UHRF2: variants seen among roughly 807,000 people sequenced by gnomAD.
UHRF2 encodes ubiquitin like with PHD and ring finger domains 2.
UHRF2 carries 23 observed loss-of-function variants against 96.8 expected under a neutral mutation model. That is an observed-to-expected ratio of 0.24 (90% CI 0.17 to 0.34). The LOEUF is 0.34. Ranked by LOEUF, UHRF2 falls within the 10% of genes least tolerant of loss-of-function variation. The pLI, the probability that UHRF2 is intolerant of heterozygous loss-of-function variation, is 1.00. For missense variants in UHRF2, 685 were observed against 981.5 expected (o/e 0.70, Z 4.04); for synonymous variants, 385 against 332.6 (o/e 1.16, Z -1.72).
At chr9:6,447,784 C>G (rs1469275563) in intron 3 of UHRF2, among the ~76,000 whole-genome samples, 2 of 152,020 alleles carry the variant, frequency 1.3e-5, no homozygotes, top group African/African-American at 4.8e-5. Flanking sequence ...TTAACATTGC[C>G]TAGTTTAGCA....
intron 3 of UHRF2, among the ~76,000 whole-genome samples, chr9:6,437,630 A>G (rs746088219): frequency 1.3e-5 from 2 of 151,714 alleles, no homozygotes; most frequent in East Asian, 1.9e-4. Context: ...TTATTTATTT[A>G]TTTTTGAGAC....
chr9:6,472,104 C>G lies in UHRF2; in HGVS notation c.864-3287C>G, dbSNP rs142627098. 5.8e-3 allele frequency among the ~76,000 whole-genome samples: 877 copies of G among 152,288 alleles called. 9 individuals carry two copies. The highest frequency in any genetic ancestry group is 0.019 in the African/African-American group (784 of 41,560). On this transcript the variant is annotated intron_variant, in intron 4 of 15. Transcript: ENST00000276893. Reference sequence around the variant, plus strand: ...ATCAAAACACAATGTTTTCATCACTCCCAAAAGTTCCCTTGGGTCCCATTA... The same window carrying G: ...ATCAAAACACAATGTTTTCATCACTGCCAAAAGTTCCCTTGGGTCCCATTA...
At chr9:6,422,263 G>A (rs893973799) in intron 2 of UHRF2, among the ~76,000 whole-genome samples, 11 of 151,660 alleles carry the variant, frequency 7.3e-5, no homozygotes, top group Non-Finnish European at 1.2e-4. Context: ...TATATTTCCA[G>A]TAGAGACGGG....
chr9:6,429,627 G>A (rs189736839), intron 2 of UHRF2, among the ~76,000 whole-genome samples: 4 of 152,270 alleles, frequency 2.6e-5, no homozygotes, highest in Admixed American at 6.5e-5. Flanking sequence ...CACTGCACCC[G>A]GGCTATACTC....
intron 2 of UHRF2, chr9:6,422,671 G>A (rs751471968): frequency 4.8e-5 from 31 of 642,728 alleles, no homozygotes; most frequent in Non-Finnish European, 8.1e-5. Flanking sequence ...GTGCAGTGAC[G>A]TGAACACGGC....
intron 5 of UHRF2, among the ~76,000 whole-genome samples, chr9:6,477,053 T>C (rs1823616285): frequency 6.6e-6 from 1 of 152,016 alleles, no homozygotes; most frequent in Non-Finnish European, 1.5e-5. Flanking sequence ...GCCAACCTGG[T>C]GAAACCCTGT....
At chr9:6,413,883 G>A in intron 1 of UHRF2, 2 of 415,846 alleles carry the variant, frequency 4.8e-6, no homozygotes, top group Non-Finnish European at 8.2e-6. Flanking sequence ...AGGGCGTCCG[G>A]AGCGCAAATA....
At chr9:6,415,352 C>T (rs1819537594) in intron 1 of UHRF2, 1 of 152,142 alleles carries the variant, frequency 6.6e-6, no homozygotes, top group Non-Finnish European at 1.5e-5. Flanking sequence ...AGTGATAAAC[C>T]AGTAGGGTAG....
Position 6,506,335 on chromosome 9 carries a change from A to G in UHRF2, c.*156A>G. ...TAGCCATCATCTTGTGTGTGTAGTA[A>G]GAGGCCCATTTCTCAACTGTCTTTT... On this transcript the variant is annotated 3_prime_UTR_variant, in exon 16 of 16. Transcript: ENST00000276893. 3.3e-6 allele frequency: 3 copies of G among 918,228 alleles called. No individual in the cohort carries two copies. Among genetic ancestry groups the G allele is most frequent in the South Asian group, 2.0e-5 (1 of 49,738 alleles). 56.9% of individuals were successfully genotyped at this position (918,228 alleles called of 1,614,324 possible). A position where few individuals can be genotyped will look rare whatever the true frequency, so the allele number is the denominator to read the frequency against.
intron 4 of UHRF2, among the ~76,000 whole-genome samples, chr9:6,471,820 A>G (rs1238446744): frequency 6.6e-6 from 1 of 152,212 alleles, no homozygotes. Context: ...TTCCAGGACT[A>G]AAGCTCTATA....
intron 8 of UHRF2, among the ~76,000 whole-genome samples, chr9:6,485,306 C>A (rs998760590): frequency 2.0e-5 from 3 of 151,876 alleles, no homozygotes; most frequent in African/African-American, 7.3e-5. Context: ...TTTCTAATTG[C>A]CTTATTTTTT....
intron 9 of UHRF2, among the ~76,000 whole-genome samples, chr9:6,487,617 T>G (rs1299793340): frequency 6.6e-6 from 1 of 152,258 alleles, no homozygotes; most frequent in African/African-American, 2.4e-5. Context: ...TCCTCCCGCC[T>G]TGGCCTCCCA....
chr9:6,491,119 G>T (rs1395257604), intron 9 of UHRF2, among the ~76,000 whole-genome samples: 1 of 152,190 alleles, frequency 6.6e-6, no homozygotes, highest in Non-Finnish European at 1.5e-5. Flanking sequence ...TTAGTGCCTT[G>T]TATTTTGGTG....
At chr9:6,466,176 G>A (rs183358491) in intron 4 of UHRF2, among the ~76,000 whole-genome samples, 4 of 152,134 alleles carry the variant, frequency 2.6e-5, no homozygotes, top group African/African-American at 9.7e-5. Context: ...CAAGGTGGGC[G>A]GATCAGTTGA....
At chr9:6,435,341 G>T (rs1016096675) in intron 3 of UHRF2, among the ~76,000 whole-genome samples, 8 of 151,736 alleles carry the variant, frequency 5.3e-5, no homozygotes, top group African/African-American at 1.9e-4. Context: ...GTCCAGGCTG[G>T]TGTTGAACTC....
intron 3 of UHRF2, among the ~76,000 whole-genome samples, chr9:6,455,367 C>T (rs1172875417): frequency 6.6e-6 from 1 of 152,132 alleles, no homozygotes; most frequent in Non-Finnish European, 1.5e-5. Flanking sequence ...CAATTCCCAC[C>T]TATGAGTGAG....
At chr9:6,446,020 C>T (rs1350873973) in intron 3 of UHRF2, among the ~76,000 whole-genome samples, 1 of 96,748 alleles carries the variant, frequency 1.0e-5, no homozygotes, top group Non-Finnish European at 1.8e-5. Flanking sequence ...GAGATAGAGT[C>T]TCACTCCCGT....
chr9:6,504,437 C>G (rs1180907127), intron 14 of UHRF2, 156 bp from the exon 15 acceptor site: 1 of 521,702 alleles, frequency 1.9e-6, no homozygotes, highest in Non-Finnish European at 3.4e-6. Context: ...TATAATAAAT[C>G]AGGGTAATTG....
Position 6,498,113 on chromosome 9 carries a change from C to T in UHRF2, c.1863C>T (p.Thr621=). ...RRDDVEPAPW[T]SEGIERSRRL... Reference sequence around the variant, plus strand: ...ATGATGTTGAACCTGCTCCTTGGACCTCTGAAGGAATAGAACGGTCAAGGA... The same window carrying T: ...ATGATGTTGAACCTGCTCCTTGGACTTCTGAAGGAATAGAACGGTCAAGGA... Residue 621 remains threonine, a synonymous_variant, in exon 12 of 16, where the codon ACC becomes ACT. Transcript: ENST00000276893. The T allele has an allele frequency of 6.2e-7, 1 of 1,613,978 alleles. No homozygotes were observed. The highest frequency in any genetic ancestry group is 8.5e-7 in the Non-Finnish European group (1 of 1,179,946).
Sources: gnomAD v4.1 joint callset for allele counts (sites outside exome capture counted in the v4.1 genomes callset) on GRCh38, gnomAD v4.1.1 for gene constraint, MANE v1.5 for transcripts, NCBI Gene and HGNC (gene_info 2026-07-23, HGNC 2026-07-21) for gene names.